Variants in RIC3 observed in about 807,000 individuals in gnomAD.
The protein encoded by RIC3 is protein RIC-3.
In RIC3, 28 loss-of-function variants were observed where a neutral mutation model predicts 27.3. The ratio of observed to expected loss-of-function variants is 1.02; its 90% CI spans 0.76 to 1.41. The LOEUF (loss-of-function observed/expected upper bound fraction) is 1.41, where lower values mean the gene tolerates loss of function less well. Ranked by LOEUF, RIC3 falls within the 40% of genes most tolerant of loss-of-function variation. The pLI, the probability that RIC3 is intolerant of heterozygous loss-of-function variation, is 0.00. For missense variants in RIC3, 501 were observed against 444.7 expected (o/e 1.13, Z -1.14); for synonymous variants, 184 against 160.4 (o/e 1.15, Z -1.11).
chr11:8,125,721 T>C (rs530987262), intron 5 of RIC3, among the ~76,000 whole-genome samples: 1 of 152,184 alleles, frequency 6.6e-6, no homozygotes, highest in African/African-American at 2.4e-5. Flanking sequence ...GAAAGCAGGT[T>C]GACAGTTTCT....
intron 4 of RIC3, among the ~76,000 whole-genome samples, chr11:8,131,107 T>TTCAC (rs3060959): frequency 0.02 from 2,932 of 149,522 alleles, 34 homozygotes; most frequent in African/African-American, 0.032. Context: ...CATTCATTCA[T>TTCAC]TCACTCACTC....
intron 1 of RIC3, among the ~76,000 whole-genome samples, chr11:8,144,230 G>A (rs1949403502): frequency 6.6e-6 from 1 of 150,888 alleles, no homozygotes; most frequent in South Asian, 2.1e-4. Context: ...ACTACCATCA[G>A]AGTGAACAGG....
At chr11:8,097,526 C>A in the RIC3 span, 1 of 1,508,706 alleles carries the variant, frequency 6.6e-7, no homozygotes, top group Non-Finnish European at 9.1e-7. Context: ...ACTGACCTCT[C>A]AGTTCCTCAA....
At chr11:8,134,844 T>G (rs952727853) in intron 4 of RIC3, among the ~76,000 whole-genome samples, 2 of 151,820 alleles carry the variant, frequency 1.3e-5, no homozygotes, top group Admixed American at 6.5e-5. Flanking sequence ...GATGGGGTTG[T>G]TTTTTTCTTG....
chr11:8,132,963 T>A (rs112765211), intron 4 of RIC3, among the ~76,000 whole-genome samples: 1 of 152,202 alleles, frequency 6.6e-6, no homozygotes, highest in Non-Finnish European at 1.5e-5. Context: ...AACATGGTGC[T>A]ATGGTTTGAA....
rs1421971007 is a variant in RIC3, at chr11:8,140,026, GC to G, written c.291del (p.Gln98ArgfsTer57). 1 of 1,614,020 alleles carries G rather than the reference GC, an allele frequency of 6.2e-7. No homozygotes were observed. The highest frequency in any genetic ancestry group is 8.5e-7 in the Non-Finnish European group (1 of 1,180,028). On this transcript the variant is annotated frameshift_variant, in exon 2 of 6. Coordinates refer to ENST00000309737, the MANE Select transcript of RIC3 (RefSeq NM_001206671.4). LOFTEE classifies it high-confidence loss of function. Reference sequence around the variant, plus strand: ...CCAAAACCGTAGATTGGAATAATCTGCCCCATCAGACCTCTTCCACTACCTC... The same window carrying G: ...CCAAAACCGTAGATTGGAATAATCTGCCCATCAGACCTCTTCCACTACCTC... ...GGGGSGRGLM[G>X]QIIPIYGFGI...
At chr11:8,103,233 C>T (rs1299502993), downstream of RIC3, 2 of 152,244 alleles carry the variant, frequency 1.3e-5, no homozygotes. Context: ...ATGGCACCAT[C>T]CACCCTGCAG....
chr11:8,094,377 G>A, the RIC3 span, among the ~76,000 whole-genome samples: 4 of 152,142 alleles, frequency 2.6e-5, no homozygotes, highest in Non-Finnish European at 1.5e-5. Flanking sequence ...TGCCTGGGCT[G>A]CCTCTGGGTG....
intron 4 of RIC3, among the ~76,000 whole-genome samples, chr11:8,132,713 C>G (rs945753278): frequency 1.3e-5 from 2 of 152,096 alleles, no homozygotes; most frequent in Non-Finnish European, 2.9e-5. Flanking sequence ...AATTTTAAGC[C>G]AACATCCTGC....
Position 8,107,298 on chromosome 11 carries a change from G to C in RIC3, c.*3400C>G, listed in dbSNP as rs546411597. 2.0e-5 allele frequency: 3 copies of C among 152,294 alleles called. No homozygotes were observed. The highest frequency in any genetic ancestry group is 2.1e-4 in the South Asian group (1 of 4,826). The allele number at this position is 152,294 out of a possible 1,614,324, so 9.4% of individuals were successfully genotyped here. On this transcript the variant is annotated 3_prime_UTR_variant, in exon 6 of 6. Coordinates refer to ENST00000309737, the MANE Select transcript of RIC3 (RefSeq NM_001206671.4). ...TAATTCGGGTTTGTTTATTCCCCCA[G>C]ATCTAGAGTTCTGATGTGACCAAGA... is the stretch of plus-strand genomic sequence containing the variant.
At chr11:8,129,065 C>T (rs1947357879) in intron 4 of RIC3, among the ~76,000 whole-genome samples, 1 of 151,984 alleles carries the variant, frequency 6.6e-6, no homozygotes, top group Admixed American at 6.6e-5. Context: ...AAAACTTTTA[C>T]TCCTAAGTGA....
In RIC3 at chr11:8,156,378, G is replaced by A. The variant is rs116199779; in HGVS notation, c.124+12488C>T. Among the ~76,000 whole-genome samples, 1,369 of 152,074 alleles carry A rather than the reference G, an allele frequency of 9.0e-3. 20 individuals are homozygous for A. Among genetic ancestry groups the A allele is most frequent in the African/African-American group, 0.031 (1,287 of 41,474 alleles). On this transcript the variant is annotated intron_variant, in intron 1 of 5. Coordinates refer to ENST00000309737, the MANE Select transcript of RIC3 (RefSeq NM_001206671.4). ...GTGGAGGTTAAATTAATCTTTCTAG[G>A]GCTCATTTTCATCATCTGTAAAATG...
intron 1 of RIC3, among the ~76,000 whole-genome samples, chr11:8,148,318 T>C (rs1590308281): frequency 1.3e-5 from 2 of 152,226 alleles, no homozygotes; most frequent in Non-Finnish European, 2.9e-5. Flanking sequence ...TATGCCCCTT[T>C]TAAATTTTCA....
At chr11:8,123,626 G>A (rs1056087636) in intron 5 of RIC3, among the ~76,000 whole-genome samples, 23 of 151,650 alleles carry the variant, frequency 1.5e-4, no homozygotes, top group Admixed American at 4.6e-4. Flanking sequence ...TGACAATATG[G>A]ATGAACTATG....
At chr11:8,167,566 C>A (rs1033622009) in intron 1 of RIC3, among the ~76,000 whole-genome samples, 3 of 150,388 alleles carry the variant, frequency 2.0e-5, no homozygotes, top group Admixed American at 2.0e-4. Context: ...TCTACATTTT[C>A]TACAACGTTC....
At chr11:8,119,808 C>CT in intron 5 of RIC3, among the ~76,000 whole-genome samples, 1 of 152,176 alleles carries the variant, frequency 6.6e-6, no homozygotes, top group South Asian at 2.1e-4. Context: ...TGACAAAGGG[C>CT]TAATATCTAG....
chr11:8,107,027 A>C lies in RIC3; in HGVS notation c.*3671T>G, dbSNP rs563324812. 1.3e-5 allele frequency: 2 copies of C among 152,264 alleles called. No homozygotes were observed. Among genetic ancestry groups the C allele is most frequent in the Non-Finnish European group, 2.9e-5 (2 of 68,016 alleles). The allele number at this position is 152,264 out of a possible 1,614,324, so 9.4% of individuals were successfully genotyped here. A position where few individuals can be genotyped will look rare whatever the true frequency, so the allele number is the denominator to read the frequency against. ...GCCCTGTAAATAGAGCATTATTCCC[A>C]ATTCATGGGGAAACTGGTTCTCTGA... On this transcript the variant is annotated 3_prime_UTR_variant, in exon 6 of 6. Transcript: ENST00000309737.
chr11:8,102,456 T>C (rs938187313), downstream of RIC3: 2 of 152,098 alleles, frequency 1.3e-5, no homozygotes, highest in Non-Finnish European at 2.9e-5. Context: ...CCCCAGGAGC[T>C]CTCTGCTGAG....
chr11:8,151,339 G>A (rs939030681), intron 1 of RIC3, among the ~76,000 whole-genome samples: 1 of 152,016 alleles, frequency 6.6e-6, no homozygotes, highest in East Asian at 1.9e-4. Flanking sequence ...TGTAATCCCA[G>A]CACTTTGGGA....
Sources: allele counts gnomAD v4.1 joint callset (sites outside exome capture counted in the v4.1 genomes callset), GRCh38; gene constraint gnomAD v4.1.1; transcripts MANE v1.5; gene names NCBI Gene and HGNC (gene_info 2026-07-23, HGNC 2026-07-21).